The following TNKS variants were observed in gnomAD, a reference collection of about 807,000 sequenced individuals.
The protein encoded by TNKS is poly [ADP-ribose] polymerase tankyrase-1.
A neutral mutation model predicts 135.8 loss-of-function variants in TNKS; 72 were observed. The ratio of observed to expected loss-of-function variants is 0.53; its 90% CI spans 0.44 to 0.64. The LOEUF is 0.64. TNKS is among the 30% of genes least tolerant of loss of function. The probability of loss-of-function intolerance (pLI) is 0.00; values close to 1 mark genes in which losing one functional copy is unlikely to be tolerated. For missense variants in TNKS, 1,769 were observed against 1,674.0 expected, an observed-to-expected ratio of 1.06 and a Z score of -0.99; for synonymous variants, 849 against 649.3, an observed-to-expected ratio of 1.31 and a Z score of -4.68.
At chr8:9,592,280 C>T (rs921145344) in intron 2 of TNKS, among the ~76,000 whole-genome samples, 3 of 152,068 alleles carry the variant, frequency 2.0e-5, no homozygotes, top group Non-Finnish European at 2.9e-5. Context: ...TTAATGTGTT[C>T]TGTTAGCATT....
At chr8:9,678,757 C>T (rs1802650086) in intron 3 of TNKS, among the ~76,000 whole-genome samples, 1 of 152,088 alleles carries the variant, frequency 6.6e-6, no homozygotes, top group Admixed American at 6.5e-5. Context: ...ATGCGAAGTC[C>T]ATATTTACAC....
rs1404403831 is a variant in TNKS, at chr8:9,602,145, C to T, written c.899-13437C>T. Among the ~76,000 whole-genome samples, 5 of 152,140 alleles carry T rather than the reference C, an allele frequency of 3.3e-5. No homozygotes were observed. The South Asian group carries it at 1.0e-3, about 32-fold the overall frequency. On this transcript the variant is annotated intron_variant, in intron 2 of 26. Coordinates refer to ENST00000310430, the MANE Select transcript of TNKS (RefSeq NM_003747.3). ...GTTAAACATAACACACAGGACAGCT[C>T]CCCGCCGTTAAGTGCATTCAACAGA...
At chr8:9,588,234 C>A (rs559651180) in intron 2 of TNKS, among the ~76,000 whole-genome samples, 5 of 152,108 alleles carry the variant, frequency 3.3e-5, no homozygotes, top group African/African-American at 9.6e-5. Flanking sequence ...TAATCAGGTG[C>A]CACATAAAAA....
rs1361478787 is a variant in TNKS, at chr8:9,657,769, G to A, written c.995-22182G>A. Among the ~76,000 whole-genome samples the A allele has an allele frequency of 4.4e-3, 625 of 143,172 alleles. 1 individual carries two copies. The highest frequency in any genetic ancestry group is 0.015 in the African/African-American group (576 of 38,504). 93.9% of individuals were successfully genotyped at this position (143,172 alleles called of 152,430 possible). A position where few individuals can be genotyped will look rare whatever the true frequency, so the allele number is the denominator to read the frequency against. On this transcript the variant is annotated intron_variant, in intron 3 of 26. Transcript: ENST00000310430. ...CACCTCCCGGACGGGGCGGCTGGCC[G>A]GGCAGGGGGCTGACCCCCCCACCTC...
chr8:9,775,048 G>GT (rs1159248500), intron 26 of TNKS, among the ~76,000 whole-genome samples: 15 of 152,206 alleles, frequency 9.9e-5, no homozygotes, highest in African/African-American at 3.6e-4. Context: ...TTCTTATGTG[G>GT]TAGATGCTCA....
chr8:9,768,888 A>G (rs780056406), intron 25 of TNKS, among the ~76,000 whole-genome samples: 3 of 152,138 alleles, frequency 2.0e-5, no homozygotes, highest in Non-Finnish European at 4.4e-5. Context: ...TCCAGATAAG[A>G]CCCAGTTGTC....
At chr8:9,756,058 T>A (rs750381628) in intron 20 of TNKS, among the ~76,000 whole-genome samples, 3 of 152,168 alleles carry the variant, frequency 2.0e-5, no homozygotes, top group Non-Finnish European at 2.9e-5. Context: ...ACTTTTTATA[T>A]GGGAAAGACA....
chr8:9,697,953 A>T (rs1432646210), intron 5 of TNKS, among the ~76,000 whole-genome samples: 1 of 152,212 alleles, frequency 6.6e-6, no homozygotes, highest in Non-Finnish European at 1.5e-5. Context: ...ATGAAGTTGT[A>T]TGTTCATTGC....
intron 10 of TNKS, 32 bp from the exon 11 acceptor site, chr8:9,710,110 A>G (rs1269388191): frequency 6.2e-7 from 1 of 1,612,592 alleles, no homozygotes; most frequent in East Asian, 2.2e-5. Flanking sequence ...AAGAGAGACA[A>G]TTACCTTTTC....
chr8:9,684,537 C>G (rs1802907990), intron 5 of TNKS, among the ~76,000 whole-genome samples: 1 of 151,950 alleles, frequency 6.6e-6, no homozygotes, highest in Non-Finnish European at 1.5e-5. Flanking sequence ...TCTTAATAGG[C>G]AATAGGTAGG....
At chr8:9,720,946 T>C (rs1029126018) in intron 12 of TNKS, among the ~76,000 whole-genome samples, 14 of 152,142 alleles carry the variant, frequency 9.2e-5, no homozygotes, top group African/African-American at 3.1e-4. Flanking sequence ...ATTCTTAACT[T>C]CATTGCATTA....
chr8:9,615,289 C>G (rs1487826691), intron 2 of TNKS: 1 of 220,476 alleles, frequency 4.5e-6, no homozygotes, highest in Non-Finnish European at 9.0e-6. Flanking sequence ...ACATAGCTTC[C>G]CATACTGCTG....
intron 2 of TNKS, among the ~76,000 whole-genome samples, chr8:9,614,330 G>C (rs1346420353): frequency 1.3e-5 from 2 of 152,170 alleles, no homozygotes; most frequent in African/African-American, 2.4e-5. Flanking sequence ...GAAAGGCTTT[G>C]TAAGATCTCA....
At chr8:9,733,748 AC>A (rs1258879278) in intron 15 of TNKS, among the ~76,000 whole-genome samples, 1 of 152,160 alleles carries the variant, frequency 6.6e-6, no homozygotes, top group Non-Finnish European at 1.5e-5. Flanking sequence ...AAAAAACTGT[AC>A]AGGAGAAACA....
chr8:9,747,159 A>G (rs1294235818), intron 17 of TNKS, among the ~76,000 whole-genome samples: 2 of 152,094 alleles, frequency 1.3e-5, no homozygotes, highest in African/African-American at 2.4e-5. Flanking sequence ...CTGGGATTAC[A>G]GGCGTGAGCC....
At position 9,606,154 on chromosome 8, in the gene TNKS, GT is replaced by G. The variant is rs71201957; in HGVS notation, c.899-9416del. ...TGGTGTGCGGTAAGAGTTATTTTGT[GT>G]TTTTTTTTTTTCTTTTCTATATAGA... On this transcript the variant is annotated intron_variant, in intron 2 of 26. Coordinates refer to ENST00000310430, the MANE Select transcript of TNKS (RefSeq NM_003747.3). Among the ~76,000 whole-genome samples the G allele has an allele frequency of 5.4e-5, 6 of 110,214 alleles. 1 individual carries two copies. Among genetic ancestry groups the G allele is most frequent in the East Asian group, 6.2e-4 (2 of 3,240 alleles). The allele number at this position is 110,214 out of a possible 152,430, so 72.3% of individuals were successfully genotyped here.
intron 2 of TNKS, among the ~76,000 whole-genome samples, chr8:9,611,548 C>T (rs1321239068): frequency 6.6e-6 from 1 of 152,116 alleles, no homozygotes; most frequent in African/African-American, 2.4e-5. Flanking sequence ...TGTTAATAGT[C>T]ACATTTTATT....
intron 3 of TNKS, among the ~76,000 whole-genome samples, chr8:9,634,488 CTTTG>C (rs1288868511): frequency 6.6e-6 from 1 of 152,024 alleles, no homozygotes; most frequent in Non-Finnish European, 1.5e-5. Flanking sequence ...GTTTGTTGTT[CTTTG>C]TTTTTTGCAG....
intron 1 of TNKS, among the ~76,000 whole-genome samples, chr8:9,574,615 C>T (rs1189866127): frequency 6.6e-6 from 1 of 152,178 alleles, no homozygotes; most frequent in Non-Finnish European, 1.5e-5. Context: ...TCTTCTTACC[C>T]TTGACTTACA....
Sources: gnomAD v4.1 joint callset for allele counts (sites outside exome capture counted in the v4.1 genomes callset) on GRCh38, gnomAD v4.1.1 for gene constraint, MANE v1.5 for transcripts, NCBI Gene and HGNC (gene_info 2026-07-23, HGNC 2026-07-21) for gene names.